DOCK4: variants seen among roughly 807,000 people sequenced by gnomAD.
DOCK4 encodes dedicator of cytokinesis 4.
Under a neutral mutation model 268.1 loss-of-function variants are expected in DOCK4, and 97 were observed. The ratio of observed to expected loss-of-function variants is 0.36; its 90% CI spans 0.31 to 0.43. The LOEUF (loss-of-function observed/expected upper bound fraction) is 0.43. DOCK4 is among the 20% of genes least tolerant of loss of function. DOCK4 has a pLI of 1.00. For missense variants in DOCK4, 2,145 were observed against 2,455.7 expected (o/e 0.87, Z 2.67); for synonymous variants, 954 against 887.2 (o/e 1.08, Z -1.34).
intron 1 of DOCK4, among the ~76,000 whole-genome samples, chr7:112,134,267 A>G (rs78555876): frequency 0.021 from 3,218 of 152,262 alleles, 111 homozygotes; most frequent in African/African-American, 0.073. Context: ...AGTGACACCA[A>G]CAGCTTGCGA....
intron 1 of DOCK4, among the ~76,000 whole-genome samples, chr7:112,109,689 C>T (rs1811454655): frequency 6.6e-6 from 1 of 152,044 alleles, no homozygotes; most frequent in Non-Finnish European, 1.5e-5. Context: ...TTGTGAGTAG[C>T]CAGAGTCCAT....
intron 4 of DOCK4, among the ~76,000 whole-genome samples, chr7:111,994,615 A>G (rs900012861): frequency 2.0e-5 from 3 of 152,196 alleles, no homozygotes; most frequent in African/African-American, 7.2e-5. Flanking sequence ...GGCTATGACT[A>G]TAGGACTCAA....
At chr7:111,909,720 G>A (rs1394099025) in intron 13 of DOCK4, among the ~76,000 whole-genome samples, 1 of 152,180 alleles carries the variant, frequency 6.6e-6, no homozygotes, top group Non-Finnish European at 1.5e-5. Flanking sequence ...AGCACTTTGG[G>A]AAGCTGAGGC....
At chr7:111,897,818 A>G (rs1056252848) in intron 15 of DOCK4, among the ~76,000 whole-genome samples, 1 of 152,164 alleles carries the variant, frequency 6.6e-6, no homozygotes, top group African/African-American at 2.4e-5. Flanking sequence ...CTAAAATGCA[A>G]TGTTCGATTT....
chr7:112,163,796 G>C (rs960812963), intron 1 of DOCK4, among the ~76,000 whole-genome samples: 2 of 152,166 alleles, frequency 1.3e-5, no homozygotes, highest in Non-Finnish European at 2.9e-5. Context: ...CCTGGTGACA[G>C]AAGTTATACT....
chr7:111,810,117 A>G (rs1368821128), intron 28 of DOCK4, among the ~76,000 whole-genome samples: 5 of 152,348 alleles, frequency 3.3e-5, no homozygotes, highest in African/African-American at 1.2e-4. Context: ...GCTCTTACAA[A>G]TAAAAAAGAA....
Position 112,034,786 on chromosome 7 carries a change from C to T in DOCK4, c.38-30655G>A, listed in dbSNP as rs569826167. Among the ~76,000 whole-genome samples, 249 of 152,186 alleles carry T rather than the reference C, an allele frequency of 1.6e-3. 3 individuals carry two copies. The highest frequency in any genetic ancestry group is 6.8e-3 in the Middle Eastern group (2 of 292). Reference sequence around the variant, plus strand: ...GTGTGGTGGCGTGCACCTGTAATCCCGGCTACTCAGGAGGCTGAGGCAGGA... The same window carrying T: ...GTGTGGTGGCGTGCACCTGTAATCCTGGCTACTCAGGAGGCTGAGGCAGGA... On this transcript the variant is annotated intron_variant, in intron 1 of 52. Transcript: ENST00000428084.
chr7:111,951,770 G>A (rs760833214), intron 8 of DOCK4, among the ~76,000 whole-genome samples: 10 of 152,046 alleles, frequency 6.6e-5, no homozygotes, highest in Non-Finnish European at 1.2e-4. Context: ...AGGCTGAGGT[G>A]GGAAGACTGC....
chr7:111,766,762 C>T (rs1428786969), intron 38 of DOCK4, among the ~76,000 whole-genome samples: 1 of 152,052 alleles, frequency 6.6e-6, no homozygotes, highest in Non-Finnish European at 1.5e-5. Flanking sequence ...GGAGATTTTC[C>T]ACAATAAACT....
At chr7:112,157,907 G>C (rs1438829518) in intron 1 of DOCK4, among the ~76,000 whole-genome samples, 2 of 152,120 alleles carry the variant, frequency 1.3e-5, no homozygotes, top group East Asian at 3.8e-4. Context: ...TAGCACATAA[G>C]GATGGTCTCT....
intron 1 of DOCK4, among the ~76,000 whole-genome samples, chr7:112,080,913 T>C (rs1472975032): frequency 6.6e-6 from 1 of 152,178 alleles, no homozygotes; most frequent in Non-Finnish European, 1.5e-5. Context: ...TAAACACTTG[T>C]GTAGATTTGT....
intron 36 of DOCK4, among the ~76,000 whole-genome samples, chr7:111,775,400 A>G (rs1356599140): frequency 6.6e-6 from 1 of 152,224 alleles, no homozygotes; most frequent in Non-Finnish European, 1.5e-5. Context: ...GATGGAGTAC[A>G]TGCATTCCAC....
Position 111,873,503 on chromosome 7 carries a change from G to A in DOCK4, c.1745-939C>T, listed in dbSNP as rs189110612. ...GTGGAGTTGCCAGACTAGACTGGCC[G>A]AGAGAGGAGCCAGGACAGAATTTCC... is the stretch of plus-strand genomic sequence containing the variant. On this transcript the variant is annotated intron_variant, in intron 17 of 52. Coordinates refer to ENST00000428084, the MANE Select transcript of DOCK4 (RefSeq NM_001363540.2). Among the ~76,000 whole-genome samples the A allele has an allele frequency of 3.3e-5, 5 of 152,330 alleles. No individual in the cohort carries two copies. The East Asian group carries it at 7.7e-4, about 24-fold the overall frequency.
intron 1 of DOCK4, among the ~76,000 whole-genome samples, chr7:112,105,411 A>T (rs1371757917): frequency 6.6e-6 from 1 of 152,152 alleles, no homozygotes; most frequent in Non-Finnish European, 1.5e-5. Context: ...CTGTTTGTAC[A>T]ACTTCTTAAT....
At chr7:111,812,606 A>G (rs1801222847) in intron 27 of DOCK4, among the ~76,000 whole-genome samples, 1 of 152,224 alleles carries the variant, frequency 6.6e-6, no homozygotes, top group Non-Finnish European at 1.5e-5. Context: ...ATGCTTTTTA[A>G]AATGCAGAGG....
intron 42 of DOCK4, among the ~76,000 whole-genome samples, chr7:111,751,196 A>G (rs2133513077): frequency 6.6e-6 from 1 of 152,324 alleles, no homozygotes; most frequent in African/African-American, 2.4e-5. Context: ...TCTAGTTCTA[A>G]CTACCAATTT....
chr7:112,103,027 G>T (rs1374733975), intron 1 of DOCK4, among the ~76,000 whole-genome samples: 1 of 152,142 alleles, frequency 6.6e-6, no homozygotes, highest in East Asian at 1.9e-4. Context: ...CCCCACAGAT[G>T]CCTAGACCTC....
intron 1 of DOCK4, among the ~76,000 whole-genome samples, chr7:112,032,368 G>A (rs1178497000): frequency 6.6e-6 from 1 of 152,140 alleles, no homozygotes; most frequent in African/African-American, 2.4e-5. Context: ...GAAGTGCATG[G>A]CTATCAACTA....
intron 1 of DOCK4, among the ~76,000 whole-genome samples, chr7:112,161,565 C>T (rs1366096573): frequency 6.6e-6 from 1 of 152,162 alleles, no homozygotes; most frequent in Non-Finnish European, 1.5e-5. Context: ...GCAGCATATT[C>T]ATTCTGCATT....
Sources: allele counts gnomAD v4.1 joint callset (sites outside exome capture counted in the v4.1 genomes callset), GRCh38; gene constraint gnomAD v4.1.1; transcripts MANE v1.5; gene names NCBI Gene and HGNC (gene_info 2026-07-23, HGNC 2026-07-21).